SEC31A: variants seen among roughly 807,000 people sequenced by gnomAD.
SEC31A encodes protein transport protein Sec31A.
A neutral mutation model predicts 151.0 loss-of-function variants in SEC31A; 70 were observed. The observed-to-expected ratio is 0.46, with a 90% CI of 0.38 to 0.57. SEC31A has a LOEUF of 0.57. Among genes scored for constraint, SEC31A ranks in the 20% least tolerant of loss-of-function variants. The probability of loss-of-function intolerance (pLI) is 0.00; values close to 1 mark genes in which losing one functional copy is unlikely to be tolerated. For missense variants in SEC31A, 1,330 were observed against 1,471.2 expected, an observed-to-expected ratio of 0.90 and a Z score of 1.57; for synonymous variants, 475 against 505.9, an observed-to-expected ratio of 0.94 and a Z score of 0.82.
chr4:82,843,017 T>C (rs1298744019), intron 21 of SEC31A, among the ~76,000 whole-genome samples: 1 of 152,200 alleles, frequency 6.6e-6, no homozygotes, highest in East Asian at 1.9e-4. Context: ...GCTAACTCTA[T>C]GATCCCTAAC....
At chr4:82,881,743 T>G (rs1219244400) in intron 2 of SEC31A, 115 bp downstream of exon 2, 1 of 762,076 alleles carries the variant, frequency 1.3e-6, no homozygotes, top group African/African-American at 1.7e-5. Flanking sequence ...AGAATGTCAG[T>G]AACTTGCCAG....
intron 1 of SEC31A, 107 bp downstream of exon 1, chr4:82,890,981 C>A: frequency 6.7e-7 from 1 of 1,493,726 alleles, no homozygotes; most frequent in South Asian, 1.3e-5. Flanking sequence ...GGGCCTCAGG[C>A]TGGTGCGGGG....
Position 82,853,663 on chromosome 4 carries a change from T to C in SEC31A, c.2061A>G (p.Gln687=). 1 of 1,602,522 alleles carries C rather than the reference T, an allele frequency of 6.2e-7. No individual in the cohort carries two copies. The highest frequency in any genetic ancestry group is 8.5e-7 in the Non-Finnish European group (1 of 1,176,696). ...CTGCACAAATATAGCAGAGACATGCTTGAGTCTGCAGGAGGCTATCTCCTT... is the reference window on the plus strand; with the variant it reads ...CTGCACAAATATAGCAGAGACATGCCTGAGTCTGCAGGAGGCTATCTCCTT... ...ENEGDSLLQT[Q]ACLCYICAGN... is the part of the protein sequence containing the mutation. The change falls in exon 18 of 27, where the codon CAA becomes CAG. Residue 687 remains glutamine, a synonymous_variant. Transcript: ENST00000395310.
intron 22 of SEC31A, among the ~76,000 whole-genome samples, chr4:82,840,718 T>A (rs763387835): frequency 6.6e-6 from 1 of 152,238 alleles, no homozygotes; most frequent in Non-Finnish European, 1.5e-5. Flanking sequence ...GGTACAAACC[T>A]GTACATCATG....
chr4:82,882,901 T>C (rs1390525157), intron 1 of SEC31A, among the ~76,000 whole-genome samples: 1 of 152,200 alleles, frequency 6.6e-6, no homozygotes, highest in Non-Finnish European at 1.5e-5. Context: ...TTGGATCACT[T>C]GAGGCCAGGA....
chr4:82,880,015 A>C (rs982907032), intron 3 of SEC31A, among the ~76,000 whole-genome samples: 1 of 152,102 alleles, frequency 6.6e-6, no homozygotes, highest in African/African-American at 2.4e-5. Context: ...GGAGATAGAA[A>C]AAAGAACTCT....
intron 6 of SEC31A, among the ~76,000 whole-genome samples, chr4:82,873,625 ACT>A (rs1378080783): frequency 6.6e-6 from 1 of 152,202 alleles, no homozygotes; most frequent in African/African-American, 2.4e-5. Context: ...TGAAAACAAT[ACT>A]CTGAAGAAGT....
chr4:82,842,570 G>A (rs1578189670), intron 21 of SEC31A, 89 bp from the exon 22 acceptor site: 1 of 973,774 alleles, frequency 1.0e-6, no homozygotes, highest in East Asian at 2.7e-5. Context: ...TCAGTCTATA[G>A]AAATGATTTT....
chr4:82,883,119 CA>C (rs1455425081), intron 1 of SEC31A, among the ~76,000 whole-genome samples: 1 of 150,740 alleles, frequency 6.6e-6, no homozygotes, highest in Admixed American at 6.6e-5. Context: ...GACTCGGTCT[CA>C]AAAAAAAAGT....
At chr4:82,824,085 T>C (rs192000879) in intron 25 of SEC31A, among the ~76,000 whole-genome samples, 5 of 152,380 alleles carry the variant, frequency 3.3e-5, no homozygotes, top group African/African-American at 1.2e-4. Context: ...AATATATTTC[T>C]ATATGTAATG....
chr4:82,843,320 T>C (rs913429418), intron 21 of SEC31A, among the ~76,000 whole-genome samples: 1 of 152,090 alleles, frequency 6.6e-6, no homozygotes, highest in Non-Finnish European at 1.5e-5. Flanking sequence ...TTTTCTTTTG[T>C]AGAGATGGCG....
rs549212601 is a variant in SEC31A at position 82,842,434 on chromosome 4, T to C, written c.2674A>G (p.Met892Val). Residue 892 changes from methionine to valine, a missense_variant, in exon 22 of 27, where the codon ATG becomes GTG. Met to Val is a conservative substitution (Grantham distance 21, BLOSUM62 1). Coordinates refer to ENST00000395310, the MANE Select transcript of SEC31A (RefSeq NM_001077207.4). ...GCAACAGGCTGCTGAGGTCGATACA[T>C]TGCTGACCCCCCTGTTCCGAAGGGA... is the stretch of plus-strand genomic sequence containing the variant. ...PYPFGTGGSA[M>V]YRPQQPVAPP... 5.6e-6 allele frequency: 9 copies of C among 1,613,858 alleles called. No individual in the cohort carries two copies. The African/African-American group carries it at 9.3e-5, about 17-fold the overall frequency.
At chr4:82,862,460 T>C in intron 13 of SEC31A, 74 bp downstream of exon 13, 5 of 1,103,120 alleles carry the variant, frequency 4.5e-6, no homozygotes, top group Non-Finnish European at 6.9e-6. Context: ...CACAAATTTC[T>C]TAAATGATAT....
At chr4:82,890,771 G>T in intron 1 of SEC31A, 1 of 1,245,284 alleles carries the variant, frequency 8.0e-7, no homozygotes, top group Non-Finnish European at 1.0e-6. Context: ...ACAAGGGTCT[G>T]AAAGTCTCCT....
chr4:82,819,981 C>CA (rs34548263), intron 26 of SEC31A, among the ~76,000 whole-genome samples: 344 of 152,220 alleles, frequency 2.3e-3, no homozygotes, highest in Admixed American at 3.6e-3. Flanking sequence ...AGGCTGGTCT[C>CA]AAACTCCTGA....
At chr4:82,869,637 A>C (rs959186362) in intron 8 of SEC31A, among the ~76,000 whole-genome samples, 5 of 152,082 alleles carry the variant, frequency 3.3e-5, no homozygotes, top group Non-Finnish European at 7.3e-5. Context: ...CCTACAAATG[A>C]TATGCGGTAA....
chr4:82,896,872 CTTGA>C (rs1167318836), intron 3 of SEC31A, among the ~76,000 whole-genome samples: 1 of 152,112 alleles, frequency 6.6e-6, no homozygotes, highest in Non-Finnish European at 1.5e-5. Context: ...TTCCCCAAAG[CTTGA>C]TTTTTATCCA....
chr4:82,881,816 G>C, intron 2 of SEC31A, 42 bp downstream of exon 2: 1 of 1,466,412 alleles, frequency 6.8e-7, no homozygotes, highest in Non-Finnish European at 9.6e-7. Flanking sequence ...CAGAAGAGAA[G>C]AAATTAGGTA....
At chr4:82,823,159 T>C (rs897945717) in intron 25 of SEC31A, among the ~76,000 whole-genome samples, 3 of 152,214 alleles carry the variant, frequency 2.0e-5, no homozygotes, top group Non-Finnish European at 2.9e-5. Context: ...AAGAGGAATA[T>C]AGTATGATGA....
Sources: allele counts gnomAD v4.1 joint callset (sites outside exome capture counted in the v4.1 genomes callset), GRCh38; gene constraint gnomAD v4.1.1; transcripts MANE v1.5; gene names NCBI Gene and HGNC (gene_info 2026-07-23, HGNC 2026-07-21).